CAMK2D: variants seen among roughly 807,000 people sequenced by gnomAD.
CAMK2D encodes the protein calcium/calmodulin-dependent protein kinase type II subunit delta.
A neutral mutation model predicts 84.0 loss-of-function variants in CAMK2D; 37 were observed. The observed-to-expected ratio is 0.44, with a 90% confidence interval of 0.34 to 0.58. The LOEUF (loss-of-function observed/expected upper bound fraction) is 0.58, where lower values mean the gene tolerates loss of function less well. CAMK2D is among the 20% of genes least tolerant of loss of function. CAMK2D has a pLI of 0.02. For missense variants in CAMK2D, 448 were observed against 652.5 expected (o/e 0.69, Z 3.41); for synonymous variants, 202 against 212.5 (o/e 0.95, Z 0.43).
chr4:113,596,595 T>G (rs901128975), intron 4 of CAMK2D, among the ~76,000 whole-genome samples: 2 of 152,178 alleles, frequency 1.3e-5, no homozygotes, highest in South Asian at 2.1e-4. Flanking sequence ...CAATCATCTC[T>G]TTGTACATCT....
At chr4:113,746,556 A>G (rs1011247819) in intron 2 of CAMK2D, among the ~76,000 whole-genome samples, 7 of 152,088 alleles carry the variant, frequency 4.6e-5, no homozygotes, top group Non-Finnish European at 7.4e-5. Context: ...TTTCTTTCAA[A>G]AGGACTTTTT....
At chr4:113,552,119 C>T (rs2098633355) in intron 4 of CAMK2D, 23 bp from the exon 5 acceptor site, 3 of 1,427,450 alleles carry the variant, frequency 2.1e-6, no homozygotes, top group Non-Finnish European at 2.9e-6. Flanking sequence ...AAAACATAAT[C>T]ACTTTTAAAA....
chr4:113,668,712 T>TGC (rs1004378059), intron 2 of CAMK2D, among the ~76,000 whole-genome samples: 1 of 152,236 alleles, frequency 6.6e-6, no homozygotes, highest in Non-Finnish European at 1.5e-5. Context: ...AGAGACAAAC[T>TGC]GAATACAGTA....
chr4:113,636,356 C>A (rs28722161), intron 3 of CAMK2D, among the ~76,000 whole-genome samples: 1 of 152,178 alleles, frequency 6.6e-6, no homozygotes, highest in Non-Finnish European at 1.5e-5. Context: ...ACCGATTACT[C>A]CAACTGTCTC....
intron 3 of CAMK2D, among the ~76,000 whole-genome samples, chr4:113,626,432 A>G: frequency 6.6e-6 from 1 of 152,238 alleles, no homozygotes; most frequent in East Asian, 1.9e-4. Flanking sequence ...TGTTATTATT[A>G]AATTACATTA....
At chr4:113,514,795 A>G (rs1171126288) in intron 10 of CAMK2D, among the ~76,000 whole-genome samples, 6 of 152,176 alleles carry the variant, frequency 3.9e-5, no homozygotes, top group Non-Finnish European at 1.5e-5. Flanking sequence ...AACCTTGTTC[A>G]TGAGTATTGT....
At chr4:113,696,816 C>T (rs1275824111) in intron 2 of CAMK2D, among the ~76,000 whole-genome samples, 1 of 152,042 alleles carries the variant, frequency 6.6e-6, no homozygotes, top group Non-Finnish European at 1.5e-5. Flanking sequence ...TTTTAAGAAA[C>T]CTTCACAAAG....
chr4:113,721,580 C>G (rs1202891033), intron 2 of CAMK2D, among the ~76,000 whole-genome samples: 1 of 152,058 alleles, frequency 6.6e-6, no homozygotes, highest in Non-Finnish European at 1.5e-5. Flanking sequence ...ATGTGGGGAC[C>G]CACTTGGGAC....
chr4:113,513,178 G>C (rs1384210443), intron 12 of CAMK2D, 150 bp downstream of exon 12: 8 of 1,460,360 alleles, frequency 5.5e-6, no homozygotes, highest in Non-Finnish European at 7.2e-6. Flanking sequence ...GGCAGCCATA[G>C]GTGTAGAAGG....
intron 2 of CAMK2D, among the ~76,000 whole-genome samples, chr4:113,742,426 T>C (rs1331253708): frequency 6.6e-6 from 1 of 152,098 alleles, no homozygotes; most frequent in East Asian, 1.9e-4. Flanking sequence ...CATGAATAAT[T>C]AGATTTTAAA....
chr4:113,515,362 C>T (rs1463992319), intron 9 of CAMK2D, among the ~76,000 whole-genome samples, 171 bp from the exon 10 acceptor site: 1 of 152,014 alleles, frequency 6.6e-6, no homozygotes, highest in Non-Finnish European at 1.5e-5. Context: ...TCTATTCTCC[C>T]CCTCTATGTA....
chr4:113,504,540 T>C (rs2154153682), intron 14 of CAMK2D, among the ~76,000 whole-genome samples: 1 of 152,338 alleles, frequency 6.6e-6, no homozygotes, highest in East Asian at 1.9e-4. Flanking sequence ...AAGGTCTACT[T>C]TCATGTTGTC....
At chr4:113,715,654 T>C (rs544638773) in intron 2 of CAMK2D, among the ~76,000 whole-genome samples, 97 of 152,286 alleles carry the variant, frequency 6.4e-4, no homozygotes, top group African/African-American at 2.1e-3. Context: ...CTGTGAACTG[T>C]ATACCTCCTT....
rs575866212 is a variant in CAMK2D at position 113,458,580 on chromosome 4, TAGAG to T, written c.1307-1021_1307-1018del. 1.9e-3 allele frequency among the ~76,000 whole-genome samples: 295 copies of T among 152,304 alleles called. 2 individuals carry two copies. The highest frequency in any genetic ancestry group is 6.7e-3 in the African/African-American group (280 of 41,566). ...TTCATTAGGGATCAGATGGTGTCGA[TAGAG>T]AGTTAGTTGGAGGAAACATGAGATG... is the stretch of plus-strand genomic sequence containing the variant. On this transcript the variant is annotated intron_variant, in intron 18 of 20. Transcript: ENST00000511664.
At chr4:113,611,243 T>C (rs991118265) in intron 3 of CAMK2D, among the ~76,000 whole-genome samples, 3 of 152,312 alleles carry the variant, frequency 2.0e-5, no homozygotes, top group Non-Finnish European at 4.4e-5. Context: ...GTGCATCTTC[T>C]AATGATCATT....
intron 3 of CAMK2D, among the ~76,000 whole-genome samples, chr4:113,634,508 T>C (rs1236056361): frequency 1.3e-5 from 2 of 152,178 alleles, no homozygotes; most frequent in South Asian, 2.1e-4. Flanking sequence ...AAAAGCATTA[T>C]TGAGCATAAA....
At chr4:113,599,078 C>T (rs1409245585) in intron 4 of CAMK2D, among the ~76,000 whole-genome samples, 1 of 152,072 alleles carries the variant, frequency 6.6e-6, no homozygotes, top group South Asian at 2.1e-4. Context: ...CATTGTATGT[C>T]ATTAGGAAAT....
At position 113,606,211 on chromosome 4, in the gene CAMK2D, C is replaced by A. The variant is rs925269460; in HGVS notation, c.275+2941G>T. ...ATGGGCCAGGCACAGTGGCTCATGCCTGTAATCCCAGCACTTAGGGAGGCA... is the reference window on the plus strand; with the variant it reads ...ATGGGCCAGGCACAGTGGCTCATGCATGTAATCCCAGCACTTAGGGAGGCA... On this transcript the variant is annotated intron_variant, in intron 4 of 20. Coordinates refer to ENST00000511664, the MANE Select transcript of CAMK2D (RefSeq NM_001321571.2). Among the ~76,000 whole-genome samples the A allele has an allele frequency of 7.9e-5, 12 of 152,250 alleles. No individual in the cohort carries two copies. The South Asian group carries it at 1.7e-3, about 21-fold the overall frequency.
intron 3 of CAMK2D, among the ~76,000 whole-genome samples, chr4:113,626,499 T>C (rs2099068849): frequency 1.3e-5 from 2 of 152,200 alleles, no homozygotes; most frequent in Non-Finnish European, 1.5e-5. Context: ...AGTTGATACA[T>C]TTGTTATGAA....
Sources: gnomAD v4.1 joint callset for allele counts (sites outside exome capture counted in the v4.1 genomes callset) on GRCh38, gnomAD v4.1.1 for gene constraint, MANE v1.5 for transcripts, NCBI Gene and HGNC (gene_info 2026-07-23, HGNC 2026-07-21) for gene names.